The following FATE1 variants were observed in gnomAD, a reference collection of about 807,000 sequenced individuals.
The protein encoded by FATE1 is fetal and adult testis-expressed transcript protein.
In FATE1, 18 loss-of-function variants were observed where a neutral mutation model predicts 16.0. The ratio of observed to expected loss-of-function variants is 1.12; its 90% CI spans 0.78 to 1.66. The LOEUF (loss-of-function observed/expected upper bound fraction) is 1.66. Among genes scored for constraint, FATE1 ranks in the 40% most tolerant of loss-of-function variants. The pLI, the probability that FATE1 is intolerant of heterozygous loss-of-function variation, is 0.00. For missense variants in FATE1, 169 were observed against 152.7 expected (o/e 1.11, Z -0.56); for synonymous variants, 76 against 56.9 (o/e 1.34, Z -1.51).
At chrX:151,721,736 C>T (rs774896730) in intron 3 of FATE1, among the ~76,000 whole-genome samples, 167 bp from the exon 4 acceptor site, 1 of 112,117 alleles carries the variant, frequency 8.9e-6, no homozygotes, top group African/African-American at 3.2e-5. Flanking sequence ...CAGGCTGACT[C>T]CCAGCCCTCA....
chrX:151,716,514 G>A (rs1291078289), intron 1 of FATE1, among the ~76,000 whole-genome samples: 1 of 111,046 alleles, frequency 9.0e-6, no homozygotes, highest in Non-Finnish European at 1.9e-5. Flanking sequence ...ATACTCAGAG[G>A]GCTCAAATTA....
Position 151,722,697 on chromosome X carries a change from C to A in FATE1, c.490C>A (p.Leu164Met), listed in dbSNP as rs1459919173. The A allele has an allele frequency of 2.5e-6, 3 of 1,211,284 alleles. No homozygotes were observed. In the East Asian group the frequency reaches 8.9e-5, roughly 36 times the overall value. ...QGATWRHRETLIIAVLVSASI... is the reference protein window; with the variant it reads ...QGATWRHRETMIIAVLVSASI... ...CGCCACCTGGCGCCACAGGGAGACC[C>A]TGATCATCGCCGTGCTGGTGTCGGC... is the stretch of plus-strand genomic sequence containing the variant. Residue 164 changes from leucine (L) to methionine (M), a missense_variant, in exon 5 of 5, where the codon CTG becomes ATG. By Grantham distance (15) the Leu-to-Met change is conservative (BLOSUM62 2). Transcript: ENST00000370350.
In FATE1 at chrX:151,716,072, C is replaced by T; in HGVS notation, c.-48C>T. On this transcript the variant is annotated 5_prime_UTR_variant, in exon 1 of 5. Transcript: ENST00000370350. ...CTGAGTGTGACTCCTCTGTTCCTGG[C>T]ACCCTGTGCATCCTTAGCCATAGCT... The T allele has an allele frequency of 9.4e-7, 1 of 1,068,445 alleles. No homozygotes were observed. The highest frequency in any genetic ancestry group is 1.8e-5 in the African/African-American group (1 of 54,425). 88.1% of individuals were successfully genotyped at this position (1,068,445 alleles called of 1,213,427 possible).
rs1395598614 is a variant in FATE1 at position 151,722,711 on chromosome X, G to A, written c.504G>A (p.Val168=). ...ACAGGGAGACCCTGATCATCGCCGT[G>A]CTGGTGTCGGCCAGCATTGCCAACC... The part of the protein sequence containing the change: ...WRHRETLIIA[V]LVSASIANLW... Residue 168 remains valine (V), a synonymous_variant, in exon 5 of 5, where the codon GTG becomes GTA. Transcript: ENST00000370350. 4 of 1,211,928 alleles carry A rather than the reference G, an allele frequency of 3.3e-6. No individual in the cohort carries two copies. The highest frequency in any genetic ancestry group is 4.5e-6 in the Non-Finnish European group (4 of 895,437).
In FATE1 at chrX:151,716,093, T is replaced by C. The variant is rs1269420167; in HGVS notation, c.-27T>C. On this transcript the variant is annotated 5_prime_UTR_variant, in exon 1 of 5. Coordinates refer to ENST00000370350, the MANE Select transcript of FATE1 (RefSeq NM_033085.3). ...CTGGCACCCTGTGCATCCTTAGCCA[T>C]AGCTTACAAGAGAACAGCTGGTTGT... is the stretch of plus-strand genomic sequence containing the variant. 2 of 1,139,060 alleles carry C rather than the reference T, an allele frequency of 1.8e-6. No homozygotes were observed. The highest frequency in any genetic ancestry group is 2.4e-6 in the Non-Finnish European group (2 of 850,823). The allele number at this position is 1,139,060 out of a possible 1,213,427, so 93.9% of individuals were successfully genotyped here. A position where few individuals can be genotyped will look rare whatever the true frequency, so the allele number is the denominator to read the frequency against.
chrX:151,716,927 C>T (rs2015065593), intron 1 of FATE1, among the ~76,000 whole-genome samples: 2 of 111,635 alleles, frequency 1.8e-5, no homozygotes, highest in South Asian at 7.6e-4. Flanking sequence ...ATCTCTCTGT[C>T]TGCATTTGCA....
At position 151,722,805 on chromosome X, in the gene FATE1, T is replaced by G. The variant is rs764029813; in HGVS notation, c.*46T>G. 1.6e-5 allele frequency: 19 copies of G among 1,171,279 alleles called. No individual in the cohort carries two copies. The East Asian group carries it at 5.4e-4, about 33-fold the overall frequency. ...TATTGGAGCCCTCCCTGCTTCCCCTTCTTTCTTTCCTCTTTCCCCAGGCCG... is the reference window on the plus strand; with the variant it reads ...TATTGGAGCCCTCCCTGCTTCCCCTGCTTTCTTTCCTCTTTCCCCAGGCCG... On this transcript the variant is annotated 3_prime_UTR_variant, in exon 5 of 5. Coordinates refer to ENST00000370350, the MANE Select transcript of FATE1 (RefSeq NM_033085.3).
chrX:151,717,285 T>C lies in FATE1; in HGVS notation c.120T>C (p.Leu40=). The C allele has an allele frequency of 1.7e-6, 2 of 1,206,298 alleles. No homozygotes were observed. Among genetic ancestry groups the C allele is most frequent in the Non-Finnish European group, 2.2e-6 (2 of 891,939 alleles). The change falls in exon 2 of 5, where the codon CTT becomes CTC. Residue 40 remains leucine (L), a synonymous_variant. Coordinates refer to ENST00000370350, the MANE Select transcript of FATE1 (RefSeq NM_033085.3). ...EHLVIAEMME[L]GSRSRGASQK... ...TCTTCTCTCTAGAAATGATGGAGCT[T>C]GGATCTCGGTCCCGGGGTGCCTCCC...
rs755562716 is a variant in FATE1, at chrX:151,722,395, GGGAAGT to G, written c.421-231_421-226del. ...GAATGGGCTGGTCTCTTCCAGAGAA[GGGAAGT>G]GAACATAAGGGAGAAGGCAAAAGTG... is the stretch of plus-strand genomic sequence containing the variant. On this transcript the variant is annotated intron_variant, in intron 4 of 4. Coordinates refer to ENST00000370350, the MANE Select transcript of FATE1 (RefSeq NM_033085.3). Among the ~76,000 whole-genome samples, 455 of 112,674 alleles carry G rather than the reference GGGAAGT, an allele frequency of 4.0e-3. 2 individuals are homozygous for G. The highest frequency in any genetic ancestry group is 0.014 in the African/African-American group (439 of 31,055).
chrX:151,719,051 T>A (rs926329062), intron 2 of FATE1, among the ~76,000 whole-genome samples: 9 of 112,133 alleles, frequency 8.0e-5, no homozygotes, highest in Non-Finnish European at 1.7e-4. Flanking sequence ...AAACCACTAA[T>A]GTCCCTGAGA....
chrX:151,719,529 A>C (rs1417196517), intron 2 of FATE1, among the ~76,000 whole-genome samples: 3 of 112,351 alleles, frequency 2.7e-5, no homozygotes, highest in Non-Finnish European at 5.6e-5. Flanking sequence ...AATTTATAGG[A>C]AAATCAAGCA....
rs2015130866 is a variant in FATE1, at chrX:151,722,821, C to T, written c.*62C>T. On this transcript the variant is annotated 3_prime_UTR_variant, in exon 5 of 5. Transcript: ENST00000370350. ...GCTTCCCCTTCTTTCTTTCCTCTTT[C>T]CCCAGGCCGCCACTGCCCTTGCCCC... The T allele has an allele frequency of 3.5e-6, 4 of 1,142,485 alleles. No homozygotes were observed. In the South Asian group the frequency reaches 8.2e-5, roughly 23 times the overall value. 94.2% of individuals were successfully genotyped at this position (1,142,485 alleles called of 1,213,427 possible).
chrX:151,722,513 C>T, intron 4 of FATE1, 115 bp from the exon 5 acceptor site: 2 of 1,097,814 alleles, frequency 1.8e-6, no homozygotes, highest in Admixed American at 2.4e-5. Context: ...CCCGCTCCAC[C>T]GCCAAAGGGC....
chrX:151,716,497 T>A lies in FATE1; in HGVS notation c.106+272T>A, dbSNP rs774322312. 2.1e-4 allele frequency among the ~76,000 whole-genome samples: 23 copies of A among 111,501 alleles called. No homozygotes were observed. In the East Asian group the frequency reaches 6.3e-3, roughly 30 times the overall value. ...CTTATCCAAGCCACCACAGTCTCTG[T>A]TGCAAAATACTCAGAGGGCTCAAAT... On this transcript the variant is annotated intron_variant, in intron 1 of 4. Transcript: ENST00000370350.
At chrX:151,721,572 C>A (rs2124357544) in intron 3 of FATE1, 71 bp downstream of exon 3, 1 of 946,173 alleles carries the variant, frequency 1.1e-6, no homozygotes. Context: ...GGCTGGTGAG[C>A]AGCCTGGCCA....
At chrX:151,722,070 A>G in intron 4 of FATE1, 89 bp downstream of exon 4, 2 of 827,167 alleles carry the variant, frequency 2.4e-6, no homozygotes, top group South Asian at 2.3e-5. Flanking sequence ...GTAGTCCCTT[A>G]CAGTCATCTT....
At chrX:151,717,482 G>C in intron 2 of FATE1, 83 bp downstream of exon 2, 1 of 1,050,494 alleles carries the variant, frequency 9.5e-7, no homozygotes, top group Non-Finnish European at 1.3e-6. Context: ...GACCAGGTCA[G>C]GCAGGGCTAG....
At position 151,723,133 on chromosome X, in the gene FATE1, C is replaced by T. The variant is rs750009829; in HGVS notation, c.*374C>T. The T allele has an allele frequency of 4.7e-5, 8 of 169,888 alleles. No homozygotes were observed. In the South Asian group the frequency reaches 1.1e-3, roughly 23 times the overall value. 14.0% of individuals were successfully genotyped at this position (169,888 alleles called of 1,213,427 possible). On this transcript the variant is annotated 3_prime_UTR_variant, in exon 5 of 5. Transcript: ENST00000370350. ...TGTTTTCCTCCCTCGTTTGCTTCCA[C>T]CTCGTGCACAGCGCTCTGCACAGAC...
At chrX:151,719,992 G>T (rs2015100853) in intron 2 of FATE1, among the ~76,000 whole-genome samples, 1 of 111,960 alleles carries the variant, frequency 8.9e-6, no homozygotes, top group South Asian at 3.7e-4. Flanking sequence ...GGAACTGGCT[G>T]TCATGTGGGG....
Sources: gnomAD v4.1 joint callset for allele counts (sites outside exome capture counted in the v4.1 genomes callset) on GRCh38, gnomAD v4.1.1 for gene constraint, MANE v1.5 for transcripts, NCBI Gene and HGNC (gene_info 2026-07-23, HGNC 2026-07-21) for gene names.